Variants in OSTM1 observed in about 807,000 individuals in gnomAD.
OSTM1 encodes osteopetrosis-associated transmembrane protein 1.
In OSTM1, 26 loss-of-function variants were observed where a neutral mutation model predicts 35.4. The observed-to-expected ratio is 0.73, with a 90% CI of 0.54 to 1.02. The LOEUF (loss-of-function observed/expected upper bound fraction) is 1.02. Among genes scored for constraint, OSTM1 ranks in the 50% least tolerant of loss-of-function variants. The pLI, the probability that OSTM1 is intolerant of heterozygous loss-of-function variation, is 0.00. For synonymous variants in OSTM1, 181 were observed against 165.0 expected, an observed-to-expected ratio of 1.10 and a Z score of -0.75; for missense variants, 366 against 409.6, an observed-to-expected ratio of 0.89 and a Z score of 0.92.
At position 108,053,741 on chromosome 6, in the gene OSTM1, T is replaced by C. The variant is rs1772122760; in HGVS notation, c.615+749A>G. On this transcript the variant is annotated intron_variant, in intron 3 of 5. Transcript: ENST00000193322. ...TTGGCCTCCCAAGGTGCTGGGATTATAGGCATGAGATACTGCACCTGGCCC... is the reference window on the plus strand; with the variant it reads ...TTGGCCTCCCAAGGTGCTGGGATTACAGGCATGAGATACTGCACCTGGCCC... Among the ~76,000 whole-genome samples, 4 of 152,132 alleles carry C rather than the reference T, an allele frequency of 2.6e-5. No homozygotes were observed. In the South Asian group the frequency reaches 8.3e-4, roughly 31 times the overall value.
At position 108,074,360 on chromosome 6, in the gene OSTM1, G is replaced by A; in HGVS notation, c.292C>T (p.Leu98=). Residue 98 remains leucine, a synonymous_variant, in exon 1 of 6, where the codon CTG becomes TTG. Transcript: ENST00000193322. ...GCGCTGCGCACCAGACACCCTGTCAGCTCTGCGCTGCTGTTGGCGAAGTCC... is the reference window on the plus strand; with the variant it reads ...GCGCTGCGCACCAGACACCCTGTCAACTCTGCGCTGCTGTTGGCGAAGTCC... ...LLDFANSSAE[L]TGCLVRSARP... 2 of 1,601,124 alleles carry A rather than the reference G, an allele frequency of 1.2e-6. No individual in the cohort carries two copies. Among genetic ancestry groups the A allele is most frequent in the Non-Finnish European group, 1.7e-6 (2 of 1,174,526 alleles).
chr6:108,063,487 T>C (rs1298932127), intron 2 of OSTM1, among the ~76,000 whole-genome samples: 1 of 152,248 alleles, frequency 6.6e-6, no homozygotes, highest in Non-Finnish European at 1.5e-5. Context: ...TATTTGTAAA[T>C]ATATCTTTCT....
chr6:108,041,908 T>A lies in OSTM1; in HGVS notation c.*2877A>T, dbSNP rs1259010961. On this transcript the variant is annotated 3_prime_UTR_variant, in exon 6 of 6. Coordinates refer to ENST00000193322, the MANE Select transcript of OSTM1 (RefSeq NM_014028.4). ...TAGAGGTACTTGGAACATAATTTTT[T>A]AAATTTTAAATGGTTATATAGGTTA... is the stretch of plus-strand genomic sequence containing the variant. 1 of 152,216 alleles carries A rather than the reference T, an allele frequency of 6.6e-6. No homozygotes were observed. The highest frequency in any genetic ancestry group is 1.5e-5 in the Non-Finnish European group (1 of 68,034). The allele number at this position is 152,216 out of a possible 1,614,324, so 9.4% of individuals were successfully genotyped here.
chr6:108,054,895 T>C (rs1772142902), intron 2 of OSTM1, among the ~76,000 whole-genome samples: 1 of 152,232 alleles, frequency 6.6e-6, no homozygotes, highest in Admixed American at 6.5e-5. Context: ...AATGCTGCCT[T>C]AACAGTGCTA....
chr6:108,072,993 G>C (rs1315506024), intron 1 of OSTM1, among the ~76,000 whole-genome samples: 3 of 152,146 alleles, frequency 2.0e-5, no homozygotes, highest in Non-Finnish European at 4.4e-5. Context: ...ATTTTTAGTA[G>C]AGACGGGGGT....
At chr6:108,066,368 T>C (rs536447586) in intron 1 of OSTM1, among the ~76,000 whole-genome samples, 106 of 137,326 alleles carry the variant, frequency 7.7e-4, no homozygotes, top group African/African-American at 2.6e-3. Context: ...GTTCCAAATG[T>C]TCCAACTTCC....
intron 3 of OSTM1, among the ~76,000 whole-genome samples, chr6:108,053,275 T>G (rs951292161): frequency 1.3e-5 from 2 of 152,198 alleles, no homozygotes; most frequent in Non-Finnish European, 2.9e-5. Flanking sequence ...CCATTTAATA[T>G]TTTTGGACTG....
At chr6:108,045,991 T>A (rs192331620) in intron 5 of OSTM1, among the ~76,000 whole-genome samples, 1 of 151,990 alleles carries the variant, frequency 6.6e-6, no homozygotes, top group African/African-American at 2.4e-5. Context: ...CTGGTTTCTT[T>A]TTTTATTTTA....
intron 2 of OSTM1, among the ~76,000 whole-genome samples, chr6:108,061,404 T>C (rs1034634836): frequency 1.3e-5 from 2 of 151,974 alleles, no homozygotes; most frequent in African/African-American, 4.8e-5. Context: ...CCTTCTTGCC[T>C]AAACTATAGC....
Position 108,049,239 on chromosome 6 carries a change from T to G in OSTM1, c.949+14A>C, listed in dbSNP as rs373796515. 7 of 1,577,536 alleles carry G rather than the reference T, an allele frequency of 4.4e-6. No individual in the cohort carries two copies. Among genetic ancestry groups the G allele is most frequent in the Non-Finnish European group, 6.1e-6 (7 of 1,152,082 alleles). On this transcript the variant is annotated intron_variant, in intron 5 of 5. Transcript: ENST00000193322. Reference sequence around the variant, plus strand: ...GGCTTTTATCTATAAAATAAATAATTGTAAAAAACTTACGCAGAATGAGTT... The same window carrying G: ...GGCTTTTATCTATAAAATAAATAATGGTAAAAAACTTACGCAGAATGAGTT...
intron 1 of OSTM1, among the ~76,000 whole-genome samples, chr6:108,070,715 C>T (rs1772465174): frequency 6.6e-6 from 1 of 151,506 alleles, no homozygotes; most frequent in Admixed American, 6.6e-5. Context: ...CATAGTGAAA[C>T]CCTGTCTCTA....
In OSTM1 at chr6:108,041,842, T is replaced by C. The variant is rs1214263272; in HGVS notation, c.*2943A>G. The C allele has an allele frequency of 3.9e-5, 6 of 152,208 alleles. No homozygotes were observed. The highest frequency in any genetic ancestry group is 7.3e-5 in the Non-Finnish European group (5 of 68,028). The allele number at this position is 152,208 out of a possible 1,614,324, so 9.4% of individuals were successfully genotyped here. A position where few individuals can be genotyped will look rare whatever the true frequency, so the allele number is the denominator to read the frequency against. On this transcript the variant is annotated 3_prime_UTR_variant, in exon 6 of 6. Coordinates refer to ENST00000193322, the MANE Select transcript of OSTM1 (RefSeq NM_014028.4). ...AGGGATCCATCCAGCTCTGGGAATC[T>C]ATCATCAGATGGCCTCTAAGGTTTC...
Position 108,074,454 on chromosome 6 carries a change from T to C in OSTM1, c.198A>G (p.Gly66=), listed in dbSNP as rs565610194. Residue 66 remains glycine (G), a synonymous_variant, in exon 1 of 6, where the codon GGA becomes GGG. Transcript: ENST00000193322. ...EDLSLSLLQG[G]GLGPLSLPPD... ...GGGGCAGCGACAGAGGCCCCAGCCC[T>C]CCACCCTGCAGGAGGGACAGGGACA... 94 of 1,557,464 alleles carry C rather than the reference T, an allele frequency of 6.0e-5. No individual in the cohort carries two copies. The Admixed American group carries it at 1.2e-3, about 20-fold the overall frequency.
intron 5 of OSTM1, among the ~76,000 whole-genome samples, chr6:108,048,636 T>C (rs974609265): frequency 2.0e-5 from 3 of 152,170 alleles, no homozygotes; most frequent in African/African-American, 7.2e-5. Context: ...CTCCCTGCTA[T>C]TGCCATGTTA....
At chr6:108,062,990 C>T (rs1243795373) in intron 2 of OSTM1, among the ~76,000 whole-genome samples, 1 of 7,820 alleles carries the variant, frequency 1.3e-4, no homozygotes, top group Non-Finnish European at 2.8e-4. Flanking sequence ...TCTGTGACTA[C>T]CTGCAATGTC....
Position 108,044,246 on chromosome 6 carries a change from T to C in OSTM1, c.*539A>G, listed in dbSNP as rs1771925717. On this transcript the variant is annotated 3_prime_UTR_variant, in exon 6 of 6. Transcript: ENST00000193322. ...TAAAAATTGTCAGGGAGGTTTGCAA[T>C]CAGTGGTTTCAAAAATGACTCTAGG... 1.3e-5 allele frequency: 2 copies of C among 152,632 alleles called. No homozygotes were observed. Among genetic ancestry groups the C allele is most frequent in the South Asian group, 4.1e-4 (2 of 4,834 alleles). The allele number at this position is 152,632 out of a possible 1,614,324, so 9.5% of individuals were successfully genotyped here.
At chr6:108,072,773 T>C (rs972932081) in intron 1 of OSTM1, among the ~76,000 whole-genome samples, 3 of 152,232 alleles carry the variant, frequency 2.0e-5, no homozygotes, top group African/African-American at 7.2e-5. Flanking sequence ...ATTTATTTAT[T>C]GTGAGATGGA....
intron 1 of OSTM1, among the ~76,000 whole-genome samples, chr6:108,066,055 G>A (rs533386654): frequency 1.3e-5 from 2 of 152,278 alleles, no homozygotes; most frequent in African/African-American, 2.4e-5. Context: ...TGTGGTATTC[G>A]GAGAGTATTC....
chr6:108,046,295 C>T (rs991369700), intron 5 of OSTM1, among the ~76,000 whole-genome samples: 1 of 148,646 alleles, frequency 6.7e-6, no homozygotes, highest in African/African-American at 2.5e-5. Context: ...GCTGGGATTA[C>T]AGGCGTGAGC....
Sources: allele counts gnomAD v4.1 joint callset (sites outside exome capture counted in the v4.1 genomes callset), GRCh38; gene constraint gnomAD v4.1.1; transcripts MANE v1.5; gene names NCBI Gene and HGNC (gene_info 2026-07-23, HGNC 2026-07-21).